PDSS1: variants seen among roughly 807,000 people sequenced by gnomAD.
PDSS1 encodes the protein all trans-polyprenyl-diphosphate synthase PDSS1.
Under a neutral mutation model 57.5 loss-of-function variants are expected in PDSS1, and 43 were observed. That is an observed-to-expected ratio of 0.75 (90% CI 0.59 to 0.96). The LOEUF (loss-of-function observed/expected upper bound fraction) is 0.96. Ranked by LOEUF, PDSS1 falls within the 50% of genes least tolerant of loss-of-function variation. The pLI, the probability that PDSS1 is intolerant of heterozygous loss-of-function variation, is 0.00. For synonymous variants in PDSS1, 175 were observed against 191.3 expected (o/e 0.91, Z 0.70); for missense variants, 438 against 527.8 (o/e 0.83, Z 1.67).
chr10:26,722,703 CAA>C (rs1275596672), intron 6 of PDSS1, among the ~76,000 whole-genome samples: 17 of 103,198 alleles, frequency 1.6e-4, no homozygotes, highest in Admixed American at 2.0e-4. Context: ...GACTCTTTCT[CAA>C]AAAAAAAAAA....
intron 7 of PDSS1, 31 bp downstream of exon 7, chr10:26,723,948 A>G: frequency 1.3e-6 from 2 of 1,586,416 alleles, no homozygotes; most frequent in East Asian, 2.2e-5. Flanking sequence ...CTTCTTTGTT[A>G]TTCAACCCTG....
intron 2 of PDSS1, among the ~76,000 whole-genome samples, chr10:26,703,974 A>G (rs1202232118): frequency 6.6e-6 from 1 of 151,360 alleles, no homozygotes; most frequent in Non-Finnish European, 1.5e-5. Flanking sequence ...CCAGCTACTC[A>G]GGAGGCTGAG....
intron 10 of PDSS1, among the ~76,000 whole-genome samples, chr10:26,739,767 C>T (rs1233960357): frequency 6.6e-6 from 1 of 152,116 alleles, no homozygotes; most frequent in African/African-American, 2.4e-5. Flanking sequence ...TCTGGGAGGC[C>T]CAGGCGAGAG....
chr10:26,732,750 T>C (rs1288415028), intron 8 of PDSS1, among the ~76,000 whole-genome samples: 2 of 152,344 alleles, frequency 1.3e-5, no homozygotes, highest in East Asian at 3.9e-4. Flanking sequence ...TTGTGGGATA[T>C]TGTGAGGTTT....
At chr10:26,700,489 A>G (rs1297582202) in intron 1 of PDSS1, among the ~76,000 whole-genome samples, 1 of 151,924 alleles carries the variant, frequency 6.6e-6, no homozygotes, top group Non-Finnish European at 1.5e-5. Context: ...GTAATCCCCA[A>G]TTATATTTGG....
At chr10:26,737,967 T>C (rs1425036392) in intron 10 of PDSS1, among the ~76,000 whole-genome samples, 2 of 152,132 alleles carry the variant, frequency 1.3e-5, no homozygotes, top group Non-Finnish European at 2.9e-5. Context: ...AGGAAGTGAC[T>C]CTGGACAGGA....
Position 26,735,449 on chromosome 10 carries a change from AT to A in PDSS1, c.913-12del. The A allele has an allele frequency of 6.4e-7, 1 of 1,556,614 alleles. No individual in the cohort carries two copies. Among genetic ancestry groups the A allele is most frequent in the Non-Finnish European group, 8.9e-7 (1 of 1,127,578 alleles). ...GGCATGGCGGTGCTCCTTACATCCC[AT>A]TTTTCCTTTTGCCAGCTAATAGATG... On this transcript the variant is annotated splice_polypyrimidine_tract_variant and intron_variant, in intron 9 of 11. Coordinates refer to ENST00000376215, the MANE Select transcript of PDSS1 (RefSeq NM_014317.5).
chr10:26,745,429 T>TAACA (rs1564440458), intron 11 of PDSS1, among the ~76,000 whole-genome samples: 1 of 152,186 alleles, frequency 6.6e-6, no homozygotes, highest in Non-Finnish European at 1.5e-5. Flanking sequence ...TGATGCTACC[T>TAACA]AACAGAAGTA....
At chr10:26,724,148 A>G (rs559302136) in intron 8 of PDSS1, 25 bp downstream of exon 8, 4 of 1,479,132 alleles carry the variant, frequency 2.7e-6, no homozygotes, top group Non-Finnish European at 3.8e-6. Flanking sequence ...TCTTTCTTCA[A>G]GTTAAAGCCT....
chr10:26,700,981 G>A (rs904650663), intron 1 of PDSS1, among the ~76,000 whole-genome samples: 1 of 152,180 alleles, frequency 6.6e-6, no homozygotes, highest in African/African-American at 2.4e-5. Context: ...GAGTCTTGTT[G>A]AATGGCTTTG....
At chr10:26,731,969 G>A (rs531066190) in intron 8 of PDSS1, among the ~76,000 whole-genome samples, 2 of 152,250 alleles carry the variant, frequency 1.3e-5, no homozygotes, top group Admixed American at 6.5e-5. Flanking sequence ...TCCCAGTCTC[G>A]TTGAGACGTG....
chr10:26,733,622 A>T (rs1274543231), intron 8 of PDSS1, among the ~76,000 whole-genome samples: 1 of 152,166 alleles, frequency 6.6e-6, no homozygotes, highest in African/African-American at 2.4e-5. Flanking sequence ...AGGTGCGTGG[A>T]CACTGCCAAG....
chr10:26,699,397 C>CTTT (rs760230667), intron 1 of PDSS1, among the ~76,000 whole-genome samples: 2 of 136,790 alleles, frequency 1.5e-5, no homozygotes, highest in Non-Finnish European at 1.5e-5. Context: ...TCTTCTTCTT[C>CTTT]TTTTTTTTTT....
At chr10:26,718,522 A>G (rs1294637565) in intron 5 of PDSS1, among the ~76,000 whole-genome samples, 1 of 152,100 alleles carries the variant, frequency 6.6e-6, no homozygotes, top group African/African-American at 2.4e-5. Context: ...GCACTTTGGG[A>G]AGCTGAGGTG....
chr10:26,709,804 A>G (rs1234260712), intron 5 of PDSS1, 36 bp downstream of exon 5: 3 of 1,607,110 alleles, frequency 1.9e-6, no homozygotes, highest in African/African-American at 1.3e-5. Context: ...TTGTTTTTAT[A>G]TTTGGGAAGT....
chr10:26,729,998 T>C (rs1017756231), intron 8 of PDSS1, among the ~76,000 whole-genome samples: 4 of 142,112 alleles, frequency 2.8e-5, no homozygotes, highest in South Asian at 2.4e-4. Context: ...CTGCAAGCTC[T>C]GCCTCCCGGG....
intron 10 of PDSS1, among the ~76,000 whole-genome samples, chr10:26,739,758 C>G (rs573395482): frequency 5.3e-5 from 8 of 152,266 alleles, no homozygotes; most frequent in Admixed American, 1.3e-4. Context: ...TCCCAGCACT[C>G]TGGGAGGCCC....
chr10:26,745,179 AAAAT>A (rs1437673945), intron 11 of PDSS1, among the ~76,000 whole-genome samples: 3 of 152,190 alleles, frequency 2.0e-5, no homozygotes, highest in East Asian at 1.9e-4. Flanking sequence ...AAATTTAAAA[AAAAT>A]AAATAAATGT....
intron 8 of PDSS1, among the ~76,000 whole-genome samples, chr10:26,727,119 C>T (rs573564728): frequency 1.8e-4 from 27 of 151,614 alleles, no homozygotes; most frequent in African/African-American, 5.6e-4. Context: ...TATTTATTTA[C>T]ATACTTACTC....
Sources: gnomAD v4.1 joint callset for allele counts (sites outside exome capture counted in the v4.1 genomes callset) on GRCh38, gnomAD v4.1.1 for gene constraint, MANE v1.5 for transcripts, NCBI Gene and HGNC (gene_info 2026-07-23, HGNC 2026-07-21) for gene names.